Variants in PDXDC1 observed in about 807,000 individuals in gnomAD.
PDXDC1 encodes pyridoxal dependent decarboxylase domain containing 1, also known as pyridoxal-dependent decarboxylase domain-containing protein 1.
Under a neutral mutation model 100.1 loss-of-function variants are expected in PDXDC1, and 42 were observed. The ratio of observed to expected loss-of-function variants is 0.42; its 90% CI spans 0.33 to 0.54. The LOEUF (loss-of-function observed/expected upper bound fraction) is 0.54. Among genes scored for constraint, PDXDC1 ranks in the 20% least tolerant of loss-of-function variants. The pLI is 0.10. For synonymous variants in PDXDC1, 260 were observed against 371.7 expected (o/e 0.70, Z 3.46); for missense variants, 636 against 979.2 (o/e 0.65, Z 4.68).
chr16:15,051,815 C>T (rs559619523), intron 16 of PDXDC1, among the ~76,000 whole-genome samples: 2 of 145,538 alleles, frequency 1.4e-5, no homozygotes, highest in African/African-American at 2.6e-5. Flanking sequence ...ATCCTCCCAC[C>T]TCAGCCTCCT....
At chr16:15,095,575 G>A (rs555628046) in intron 16 of PDXDC1, among the ~76,000 whole-genome samples, 1 of 152,098 alleles carries the variant, frequency 6.6e-6, no homozygotes, top group Non-Finnish European at 1.5e-5. Flanking sequence ...GTATGGGCCC[G>A]GCGCAGTGGC....
intron 16 of PDXDC1, chr16:15,104,312 T>C (rs1458978720): frequency 2.0e-6 from 3 of 1,513,120 alleles, no homozygotes; most frequent in East Asian, 2.5e-5. Context: ...GACTGCAGTA[T>C]TCATTTTATT....
In PDXDC1 at chr16:15,098,594, C is replaced by T. The variant is rs868561001; in HGVS notation, c.1400-40285C>T. Among the ~76,000 whole-genome samples, 15 of 152,042 alleles carry T rather than the reference C, an allele frequency of 9.9e-5. 1 individual carries two copies. In the Middle Eastern group the frequency reaches 0.014, roughly 138 times the overall value. On this transcript the variant is annotated intron_variant, in intron 16 of 16. Transcript: ENST00000535621. ...TTTGTTGAGCATAAAGAGTGACCTT[C>T]TTGGCCGGGCATGGTGGCTCACGCC...
At chr16:15,087,639 T>C (rs1336827837) in intron 16 of PDXDC1, among the ~76,000 whole-genome samples, 1 of 152,176 alleles carries the variant, frequency 6.6e-6, no homozygotes, top group Non-Finnish European at 1.5e-5. Flanking sequence ...AACTCATTTG[T>C]ACTATGGTAA....
downstream of PDXDC1, among the ~76,000 whole-genome samples, chr16:15,142,549 G>A (rs1478803399): frequency 6.6e-6 from 1 of 151,894 alleles, no homozygotes; most frequent in Non-Finnish European, 1.5e-5. Flanking sequence ...TAGGACTCAG[G>A]TGCCCCCTGG....
chr16:15,125,790 G>A (rs1187985711), intron 16 of PDXDC1: 2 of 1,406,416 alleles, frequency 1.4e-6, no homozygotes, highest in East Asian at 2.3e-5. Context: ...CAGGTGTGGG[G>A]CTCGGGCTCC....
intron 16 of PDXDC1, chr16:15,044,860 C>G (rs2043980758): frequency 6.4e-6 from 1 of 156,142 alleles, no homozygotes; most frequent in Non-Finnish European, 1.4e-5. Flanking sequence ...GTGGCTCACG[C>G]CTGTAATCCC....
chr16:14,989,997 C>T, intron 1 of PDXDC1: 1 of 1,474,852 alleles, frequency 6.8e-7, no homozygotes, highest in Non-Finnish European at 8.9e-7. Context: ...GCCCGGCTCA[C>T]CCCAGGACCA....
chr16:15,065,635 G>T (rs534265553), intron 16 of PDXDC1, among the ~76,000 whole-genome samples: 1 of 152,176 alleles, frequency 6.6e-6, no homozygotes, highest in East Asian at 1.9e-4. Context: ...ATGAGTAATA[G>T]ATATTATTCA....
chr16:15,135,801 G>A (rs2048321507), intron 16 of PDXDC1: 3 of 1,536,856 alleles, frequency 2.0e-6, no homozygotes, highest in Non-Finnish European at 2.7e-6. Flanking sequence ...GGCACCAGGC[G>A]CTCAGGGGCC....
At chr16:15,082,194 A>G (rs553460777) in intron 16 of PDXDC1, among the ~76,000 whole-genome samples, 2 of 152,220 alleles carry the variant, frequency 1.3e-5, no homozygotes, top group Non-Finnish European at 2.9e-5. Context: ...TCTTTCACCA[A>G]TGAATATGAT....
At position 15,036,719 on chromosome 16, in the gene PDXDC1, G is replaced by C. The variant is rs11541647; in HGVS notation, c.*444G>C. 98 of 176,456 alleles carry C rather than the reference G, an allele frequency of 5.6e-4. No homozygotes were observed. The highest frequency in any genetic ancestry group is 2.2e-3 in the African/African-American group (94 of 42,258). The allele number at this position is 176,456 out of a possible 1,614,324, so 10.9% of individuals were successfully genotyped here. A position where few individuals can be genotyped will look rare whatever the true frequency, so the allele number is the denominator to read the frequency against. On this transcript the variant is annotated 3_prime_UTR_variant, in exon 23 of 23. Coordinates refer to ENST00000396410, the MANE Select transcript of PDXDC1 (RefSeq NM_015027.4). ...ATCCTTTGCTGTCGGTCTTTAGTAC[G>C]ATCAAGTTGCAATATACAGTGGGAC...
Position 15,022,616 on chromosome 16 carries a change from T to A in PDXDC1, c.1090-88T>A. On this transcript the variant is annotated intron_variant, in intron 12 of 22. Coordinates refer to ENST00000396410, the MANE Select transcript of PDXDC1 (RefSeq NM_015027.4). ...CAGGTGACTTTGCCTGACATCCGTG[T>A]TCACAGACCTCCACAGCCCCTGGTG... 5.4e-6 allele frequency: 7 copies of A among 1,286,772 alleles called. No homozygotes were observed. The Admixed American group carries it at 7.0e-5, about 13-fold the overall frequency. The allele number at this position is 1,286,772 out of a possible 1,614,324, so 79.7% of individuals were successfully genotyped here.
At chr16:15,128,222 C>A in intron 16 of PDXDC1, 2 of 1,611,210 alleles carry the variant, frequency 1.2e-6, no homozygotes, top group South Asian at 1.1e-5. Flanking sequence ...CCGCACAGAC[C>A]TTTGTCGTGC....
chr16:15,001,950 T>G lies in PDXDC1; in HGVS notation c.242+94T>G, dbSNP rs546141525. On this transcript the variant is annotated intron_variant, in intron 4 of 22. Coordinates refer to ENST00000396410, the MANE Select transcript of PDXDC1 (RefSeq NM_015027.4). ...CAAGTTGCTCAAATAAGAAGCTATA[T>G]TTCATTGAGTTACATATGATATTAA... The G allele has an allele frequency of 1.1e-4, 103 of 951,590 alleles. No individual in the cohort carries two copies. In the African/African-American group the frequency reaches 1.4e-3, roughly 13 times the overall value. The allele number at this position is 951,590 out of a possible 1,614,324, so 58.9% of individuals were successfully genotyped here.
At chr16:15,125,619 T>G (rs2377168) in intron 16 of PDXDC1, 24 of 1,171,618 alleles carry the variant, frequency 2.0e-5, no homozygotes, top group East Asian at 7.0e-5. Context: ...AGGTGCACAG[T>G]GTCTGGAGTC....
At chr16:15,052,142 C>G (rs546530712) in intron 16 of PDXDC1, among the ~76,000 whole-genome samples, 4 of 152,262 alleles carry the variant, frequency 2.6e-5, no homozygotes, top group African/African-American at 9.6e-5. Context: ...TGGGGTTCTA[C>G]AAGGCCGCAG....
At chr16:15,020,725 T>A (rs1344355110) in intron 12 of PDXDC1, among the ~76,000 whole-genome samples, 3 of 152,274 alleles carry the variant, frequency 2.0e-5, no homozygotes, top group African/African-American at 7.2e-5. Context: ...GGCTCATGCC[T>A]GTAATCCCAG....
intron 1 of PDXDC1, among the ~76,000 whole-genome samples, chr16:14,984,374 C>T (rs1597281938): frequency 2.1e-5 from 2 of 97,510 alleles, no homozygotes; most frequent in Admixed American, 3.0e-4. Context: ...TCTCTAAATT[C>T]TGGGATTTGA....
Sources: gnomAD v4.1 joint callset for allele counts (sites outside exome capture counted in the v4.1 genomes callset) on GRCh38, gnomAD v4.1.1 for gene constraint, MANE v1.5 for transcripts, NCBI Gene and HGNC (gene_info 2026-07-23, HGNC 2026-07-21) for gene names.